Variants in MSRA observed in about 807,000 individuals in gnomAD.
MSRA encodes the protein methionine sulfoxide reductase A, also known as mitochondrial peptide methionine sulfoxide reductase.
Under a neutral mutation model 31.3 loss-of-function variants are expected in MSRA, and 54 were observed. That is an observed-to-expected ratio of 1.73 (90% confidence interval 1.39 to 2.17). The LOEUF (loss-of-function observed/expected upper bound fraction) is 2.17. MSRA is among the 30% of genes most tolerant of loss of function. MSRA has a pLI of 0.00. For missense variants in MSRA, 507 were observed against 300.9 expected, an observed-to-expected ratio of 1.69 and a Z score of -5.07; for synonymous variants, 169 against 116.5, an observed-to-expected ratio of 1.45 and a Z score of -2.90.
At chr8:10,185,312 C>T (rs1417077935) in intron 1 of MSRA, among the ~76,000 whole-genome samples, 1 of 152,210 alleles carries the variant, frequency 6.6e-6, no homozygotes, top group African/African-American at 2.4e-5. Context: ...TCATTTAGTT[C>T]TCCCTCAGCA....
chr8:10,150,398 G>T (rs958072481), intron 1 of MSRA, among the ~76,000 whole-genome samples: 1 of 152,034 alleles, frequency 6.6e-6, no homozygotes, highest in Non-Finnish European at 1.5e-5. Context: ...TACTATTGCT[G>T]CATTATATTA....
chr8:10,356,258 G>A (rs1409752013), intron 5 of MSRA, among the ~76,000 whole-genome samples: 1 of 152,216 alleles, frequency 6.6e-6, no homozygotes, highest in East Asian at 1.9e-4. Flanking sequence ...AGGAAAGGCA[G>A]ACCTTGAAAA....
chr8:10,184,271 C>A (rs1806825452), intron 1 of MSRA, among the ~76,000 whole-genome samples: 1 of 151,426 alleles, frequency 6.6e-6, no homozygotes, highest in Admixed American at 6.6e-5. Flanking sequence ...GTGAGCAGTT[C>A]CCTCACTGCT....
intron 1 of MSRA, among the ~76,000 whole-genome samples, chr8:10,067,085 G>C (rs909799377): frequency 6.6e-6 from 1 of 152,120 alleles, no homozygotes; most frequent in Non-Finnish European, 1.5e-5. Context: ...GGTTTTGACA[G>C]ATGCATGATG....
chr8:10,338,499 C>T (rs899600169), intron 5 of MSRA, among the ~76,000 whole-genome samples: 2 of 152,030 alleles, frequency 1.3e-5, no homozygotes, highest in Admixed American at 1.3e-4. Flanking sequence ...ACACGTCTCA[C>T]CATAAAAAAA....
intron 5 of MSRA, chr8:10,353,911 G>T (rs1804352875): frequency 4.4e-6 from 1 of 226,220 alleles, no homozygotes; most frequent in African/African-American, 2.3e-5. Flanking sequence ...GGGCTTTAAG[G>T]ATACAAAGGA....
In MSRA at chr8:10,256,771, C is replaced by T. The variant is rs371980565; in HGVS notation, c.331+11548C>T. ...GCAGAGATACATGTATTTCTCTGTC[C>T]CCCCGAGGCGAAGCTATAGTCTCTG... is the stretch of plus-strand genomic sequence containing the variant. On this transcript the variant is annotated intron_variant, in intron 3 of 5. Transcript: ENST00000317173. Among the ~76,000 whole-genome samples, 158 of 152,082 alleles carry T rather than the reference C, an allele frequency of 1.0e-3. 1 individual carries two copies. Among genetic ancestry groups the T allele is most frequent in the South Asian group, 6.0e-3 (29 of 4,796 alleles).
In MSRA at chr8:10,190,536, T is replaced by G. The variant is rs1170280714; in HGVS notation, c.143-17297T>G. Among the ~76,000 whole-genome samples the G allele has an allele frequency of 5.3e-5, 8 of 152,264 alleles. 1 individual carries two copies. The highest frequency in any genetic ancestry group is 5.2e-4 in the Admixed American group (8 of 15,290). ...CAAGCCCGCAAACTTCTCAGCCGTC[T>G]GGTGGCTGAAGCACACCTTCTCCAA... On this transcript the variant is annotated intron_variant, in intron 1 of 5. Coordinates refer to ENST00000317173, the MANE Select transcript of MSRA (RefSeq NM_012331.5).
At chr8:10,295,063 T>G (rs1408802511) in intron 3 of MSRA, among the ~76,000 whole-genome samples, 1 of 152,182 alleles carries the variant, frequency 6.6e-6, no homozygotes, top group Non-Finnish European at 1.5e-5. Flanking sequence ...CAGGCACTCC[T>G]GGGCGGCAGG....
intron 5 of MSRA, among the ~76,000 whole-genome samples, chr8:10,364,714 G>C (rs1421521749): frequency 2.0e-5 from 3 of 152,184 alleles, no homozygotes; most frequent in African/African-American, 7.2e-5. Flanking sequence ...GGGTGAATTT[G>C]GGCACAGTTC....
chr8:10,150,311 C>T (rs575157137), intron 1 of MSRA, among the ~76,000 whole-genome samples: 1 of 152,200 alleles, frequency 6.6e-6, no homozygotes, highest in East Asian at 1.9e-4. Context: ...GAGACCAACA[C>T]AACTCGAGAG....
chr8:10,247,660 G>A (rs1197224919), intron 3 of MSRA, among the ~76,000 whole-genome samples: 2 of 152,180 alleles, frequency 1.3e-5, no homozygotes, highest in African/African-American at 2.4e-5. Context: ...TACCTGCTAA[G>A]TTAACAGTAG....
intron 1 of MSRA, among the ~76,000 whole-genome samples, chr8:10,129,254 G>T (rs1192544700): frequency 3.3e-5 from 5 of 152,236 alleles, no homozygotes; most frequent in South Asian, 4.2e-4. Flanking sequence ...ACTATCATTG[G>T]TAGTGGTAGC....
At chr8:10,426,299 G>A (rs1404475491) in intron 5 of MSRA, among the ~76,000 whole-genome samples, 1 of 152,336 alleles carries the variant, frequency 6.6e-6, no homozygotes, top group East Asian at 1.9e-4. Flanking sequence ...AAGCTGGATG[G>A]ATTCTACAGA....
intron 3 of MSRA, among the ~76,000 whole-genome samples, chr8:10,290,822 T>A (rs1431920612): frequency 6.6e-6 from 1 of 152,220 alleles, no homozygotes; most frequent in Admixed American, 6.5e-5. Flanking sequence ...TTTAATAAAC[T>A]GCATTGGTTC....
chr8:10,296,451 A>T (rs544217689), intron 3 of MSRA, among the ~76,000 whole-genome samples: 4 of 152,168 alleles, frequency 2.6e-5, no homozygotes, highest in African/African-American at 7.2e-5. Flanking sequence ...TGTCACAGAG[A>T]TATTTTATTC....
At chr8:10,077,479 C>CT (rs10714477) in intron 1 of MSRA, among the ~76,000 whole-genome samples, 4,657 of 101,208 alleles carry the variant, frequency 0.046, 219 homozygotes, top group South Asian at 0.12. Context: ...CTACCTTCTC[C>CT]TTTTTTTTTT....
At chr8:10,406,852 G>A (rs1335038927) in intron 5 of MSRA, among the ~76,000 whole-genome samples, 2 of 152,198 alleles carry the variant, frequency 1.3e-5, no homozygotes, top group Admixed American at 6.5e-5. Context: ...TGCCTTGTCA[G>A]ACGTGATCTT....
chr8:10,072,138 C>T (rs1425139608), intron 1 of MSRA, among the ~76,000 whole-genome samples: 2 of 152,066 alleles, frequency 1.3e-5, no homozygotes, highest in Non-Finnish European at 2.9e-5. Context: ...AAGGCGCACA[C>T]ATGAGCTTGC....
Sources: gnomAD v4.1 joint callset for allele counts (sites outside exome capture counted in the v4.1 genomes callset) on GRCh38, gnomAD v4.1.1 for gene constraint, MANE v1.5 for transcripts, NCBI Gene and HGNC (gene_info 2026-07-23, HGNC 2026-07-21) for gene names.